F5: variants seen among roughly 807,000 people sequenced by gnomAD.
F5 encodes activated protein c cofactor.
Under a neutral mutation model 216.4 loss-of-function variants are expected in F5, and 138 were observed. The observed-to-expected ratio is 0.64, with a 90% CI of 0.56 to 0.73. The LOEUF is 0.73. Among genes scored for constraint, F5 ranks in the 30% least tolerant of loss-of-function variants. The probability of loss-of-function intolerance (pLI) is 0.00; values close to 1 mark genes in which losing one functional copy is unlikely to be tolerated. For missense variants in F5, 2,403 were observed against 2,674.0 expected (o/e 0.90, Z 2.24); for synonymous variants, 916 against 930.7 (o/e 0.98, Z 0.29).
intron 23 of F5, among the ~76,000 whole-genome samples, chr1:169,517,989 C>T (rs1025759141): frequency 1.5e-4 from 23 of 152,182 alleles, no homozygotes; most frequent in African/African-American, 3.6e-4. Flanking sequence ...AAATTTGGCC[C>T]GCTGCCTGTT....
intron 3 of F5, among the ~76,000 whole-genome samples, chr1:169,570,426 G>A (rs1204357865): frequency 6.6e-6 from 1 of 152,140 alleles, no homozygotes; most frequent in Non-Finnish European, 1.5e-5. Flanking sequence ...AGCCTCATAA[G>A]TAGGTGAAGT....
At chr1:169,517,902 T>C (rs1334118173) in intron 23 of F5, among the ~76,000 whole-genome samples, 2 of 152,158 alleles carry the variant, frequency 1.3e-5, no homozygotes, top group Non-Finnish European at 2.9e-5. Flanking sequence ...AGAGATGATG[T>C]TGCAAATCTA....
At position 169,521,918 on chromosome 1, in the gene F5, CAAG is replaced by C. The variant is rs1007115722; in HGVS notation, c.6049-1257_6049-1255del. 6.5e-4 allele frequency among the ~76,000 whole-genome samples: 95 copies of C among 145,262 alleles called. 1 individual carries two copies. Among genetic ancestry groups the C allele is most frequent in the African/African-American group, 2.3e-3 (93 of 39,852 alleles). The stretch of plus-strand genomic sequence containing the variant: ...ACAGACGTGAGCCACTGCGCCCGGC[CAAG>C]AAGATTTTTTTAAAATCGACAAATC... On this transcript the variant is annotated intron_variant, in intron 21 of 24. Coordinates refer to ENST00000367797, the MANE Select transcript of F5 (RefSeq NM_000130.5).
chr1:169,546,655 A>G (rs1660009951), intron 10 of F5, 63 bp from the exon 11 acceptor site: 2 of 1,457,034 alleles, frequency 1.4e-6, no homozygotes, highest in Admixed American at 3.3e-5. Flanking sequence ...GGAACAGAAT[A>G]GAGAACTCAG....
rs1659818428 is a variant in F5, at chr1:169,540,826, G to A, written c.4264C>T (p.Pro1422Ser). The change falls in exon 13 of 25, where the codon CCA (proline) becomes TCA (serine). Residue 1422 changes from proline (P) to serine (S), a missense_variant. Physicochemically the swap from Pro to Ser is moderately conservative, Grantham distance 74 (BLOSUM62 -1). This residue lies in a region of F5 where 293 missense variants were observed against 270.8 expected (regional missense o/e 1.08). Coordinates refer to ENST00000367797, the MANE Select transcript of F5 (RefSeq NM_000130.5). Reference protein sequence around the residue: ...SPDLGETDLSPNFGQMSLSPD... With the variant: ...SPDLGETDLSSNFGQMSLSPD... ...GAAAGGGACATCTGACCAAAGTTTG[G>A]GGAAAGATCTGTCTCACCAAGGTCT... The A allele has an allele frequency of 6.2e-7, 1 of 1,613,878 alleles. No individual in the cohort carries two copies. The highest frequency in any genetic ancestry group is 8.5e-7 in the Non-Finnish European group (1 of 1,179,982).
chr1:169,544,234 G>A, intron 12 of F5, 62 bp downstream of exon 12: 1 of 1,419,516 alleles, frequency 7.0e-7, no homozygotes, highest in South Asian at 1.2e-5. Flanking sequence ...AGTTGCAGCA[G>A]ACCTTTATAG....
chr1:169,528,188 G>T, intron 16 of F5, 94 bp from the exon 17 acceptor site: 1 of 1,480,098 alleles, frequency 6.8e-7, no homozygotes, highest in Non-Finnish European at 9.3e-7. Context: ...CAACACCCAT[G>T]TTCCTCATGA....
chr1:169,529,870 C>T, intron 15 of F5, 52 bp from the exon 16 acceptor site: 3 of 1,460,992 alleles, frequency 2.1e-6, no homozygotes, highest in Non-Finnish European at 2.9e-6. Context: ...TTTCCTTGCT[C>T]TTCTGATAAT....
intron 11 of F5, 43 bp from the exon 12 acceptor site, chr1:169,544,551 A>T (rs529601232): frequency 6.6e-7 from 1 of 1,516,514 alleles, no homozygotes; most frequent in African/African-American, 1.4e-5. Context: ...CTATGCCAAC[A>T]AAAGGGCATG....
intron 3 of F5, among the ~76,000 whole-genome samples, chr1:169,566,080 G>T (rs1660593446): frequency 6.6e-6 from 1 of 152,100 alleles, no homozygotes; most frequent in African/African-American, 2.4e-5. Context: ...AAACAGGACT[G>T]ATAAGGAGAG....
chr1:169,528,530 A>G (rs563833427), intron 16 of F5, among the ~76,000 whole-genome samples: 2 of 152,310 alleles, frequency 1.3e-5, no homozygotes, highest in East Asian at 3.9e-4. Context: ...AATTCAGAGA[A>G]AGTTTCAGGC....
intron 7 of F5, 87 bp from the exon 8 acceptor site, chr1:169,552,821 C>T: frequency 1.0e-6 from 1 of 997,960 alleles, no homozygotes; most frequent in Admixed American, 1.9e-5. Flanking sequence ...AAACATTCTG[C>T]TCTTAGATTA....
chr1:169,521,614 G>GTTTT (rs1659308596), intron 21 of F5, among the ~76,000 whole-genome samples: 3 of 95,400 alleles, frequency 3.1e-5, no homozygotes, highest in South Asian at 4.0e-4. Flanking sequence ...TCTGTGAAAA[G>GTTTT]ATTTTTTTTT....
In F5 at chr1:169,555,243, A is replaced by C. The variant is rs1253789059; in HGVS notation, c.1057T>G (p.Phe353Val). 1 of 1,614,148 alleles carries C rather than the reference A, an allele frequency of 6.2e-7. No individual in the cohort carries two copies. The highest frequency in any genetic ancestry group is 2.2e-5 in the East Asian group (1 of 44,874). Residue 353 changes from phenylalanine to valine, a missense_variant, in exon 7 of 25, where the codon TTC becomes GTC. By Grantham distance (50) the Phe-to-Val change is conservative. Coordinates refer to ENST00000367797, the MANE Select transcript of F5 (RefSeq NM_000130.5). ...QRRHMKRWEY[F>V]IAAEEVIWDY... ...CAAATGACTTCCTCTGCAGCAATGA[A>C]GTATTCCCACCTCTTCATGTGCCGC...
At chr1:169,577,681 C>T (rs1660894884) in intron 2 of F5, among the ~76,000 whole-genome samples, 2 of 148,114 alleles carry the variant, frequency 1.4e-5, no homozygotes, top group Admixed American at 1.4e-4. Context: ...CTCAAGCAAT[C>T]CTCCCACCTT....
chr1:169,539,012 T>C (rs1469710250), intron 13 of F5, among the ~76,000 whole-genome samples: 2 of 152,202 alleles, frequency 1.3e-5, no homozygotes, highest in Non-Finnish European at 2.9e-5. Context: ...TGTGAATCTA[T>C]TTTATTTTTG....
chr1:169,578,963 A>G (rs1266204165), intron 2 of F5, among the ~76,000 whole-genome samples: 4 of 152,154 alleles, frequency 2.6e-5, no homozygotes, highest in Admixed American at 2.6e-4. Context: ...TGGCATTTCT[A>G]TAGAGTCTTC....
At chr1:169,538,968 A>G (rs1659769658) in intron 13 of F5, among the ~76,000 whole-genome samples, 1 of 152,218 alleles carries the variant, frequency 6.6e-6, no homozygotes, top group Non-Finnish European at 1.5e-5. Flanking sequence ...CAGGATACCC[A>G]AAGGATCTCT....
In F5 at chr1:169,560,667, C is replaced by CTGTCCTCACTGATACT; in HGVS notation, c.457_472dup (p.Ser158LysfsTer4). On this transcript the variant is annotated stop_gained and frameshift_variant, in exon 4 of 25. Transcript: ENST00000367797. LOFTEE classifies it high-confidence loss of function. ...TGGAGGGTCATCATGGGTGGGTCCA[C>CTGTCCTCACTGATACT]TGTCCTCACTGATACTCCATTCATA... is the stretch of plus-strand genomic sequence containing the variant. 3 of 1,613,828 alleles carry CTGTCCTCACTGATACT rather than the reference C, an allele frequency of 1.9e-6. No homozygotes were observed. The highest frequency in any genetic ancestry group is 3.3e-4 in the Middle Eastern group (2 of 6,054).
Sources: allele counts gnomAD v4.1 joint callset (sites outside exome capture counted in the v4.1 genomes callset), GRCh38; gene constraint gnomAD v4.1.1; regional missense constraint gnomAD v4.1.1; transcripts MANE v1.5; gene names NCBI Gene and HGNC (gene_info 2026-07-23, HGNC 2026-07-21).